ATP2B2: variants seen among roughly 807,000 people sequenced by gnomAD.
ATP2B2 encodes the protein ATPase plasma membrane Ca2+ transporting 2.
In ATP2B2, 15 loss-of-function variants were observed where a neutral mutation model predicts 120.0. The observed-to-expected ratio is 0.12, with a 90% confidence interval of 0.08 to 0.19. ATP2B2 has a LOEUF of 0.19. Among genes scored for constraint, ATP2B2 ranks in the 10% least tolerant of loss-of-function variants. The pLI is 1.00. For synonymous variants in ATP2B2, 694 were observed against 700.3 expected (o/e 0.99, Z 0.14); for missense variants, 1,045 against 1,719.8 (o/e 0.61, Z 6.94).
rs1345513933 is a variant in ATP2B2, at chr3:10,358,938, G to T, written c.1902-13C>A. 1.2e-6 allele frequency: 2 copies of T among 1,612,402 alleles called. No homozygotes were observed. The highest frequency in any genetic ancestry group is 8.5e-7 in the Non-Finnish European group (1 of 1,179,710). The stretch of plus-strand genomic sequence containing the variant: ...GATTTTGCAGCACCTAGGGGAGGAT[G>T]GAAGGGAGATGGGGAGCCCAGGGAA... On this transcript the variant is annotated splice_polypyrimidine_tract_variant and intron_variant, in intron 13 of 22. Transcript: ENST00000360273.
intron 9 of ATP2B2, 95 bp downstream of exon 9, chr3:10,379,148 C>T: frequency 7.0e-7 from 1 of 1,432,808 alleles, no homozygotes; most frequent in Non-Finnish European, 9.7e-7. Flanking sequence ...GTGTCTGCCT[C>T]TGGCCCTTGC....
intron 1 of ATP2B2, among the ~76,000 whole-genome samples, chr3:10,628,009 G>A (rs1294845380): frequency 1.3e-5 from 2 of 152,286 alleles, no homozygotes; most frequent in African/African-American, 4.8e-5. Context: ...GCAGGTACAG[G>A]TGTTGGGGGC....
intron 2 of ATP2B2, among the ~76,000 whole-genome samples, chr3:10,604,156 T>C (rs1317951271): frequency 1.3e-5 from 2 of 152,128 alleles, no homozygotes; most frequent in Non-Finnish European, 2.9e-5. Flanking sequence ...CTCACCTCCC[T>C]CACACTCTCC....
chr3:10,599,793 G>C, intron 2 of ATP2B2, among the ~76,000 whole-genome samples: 1 of 119,510 alleles, frequency 8.4e-6, no homozygotes, highest in Non-Finnish European at 1.6e-5. Context: ...TGGAGCTCGT[G>C]TTCTATAAGG....
intron 1 of ATP2B2, among the ~76,000 whole-genome samples, chr3:10,654,626 C>T (rs7636785): frequency 0.22 from 33,563 of 151,978 alleles, 6,211 homozygotes; most frequent in African/African-American, 0.5. Context: ...CCGCCTCCCT[C>T]CAGCATAGAT....
upstream of ATP2B2, among the ~76,000 whole-genome samples, chr3:10,507,441 TC>T (rs558486036): frequency 8.5e-5 from 13 of 152,094 alleles, no homozygotes; most frequent in Middle Eastern, 3.4e-3. Flanking sequence ...CATCTGCCCT[TC>T]CCCAAGGCCC....
At chr3:10,606,936 GAGGGAGAGGGAGAGGGGGA>G (rs2069095562) in intron 2 of ATP2B2, among the ~76,000 whole-genome samples, 1 of 75,324 alleles carries the variant, frequency 1.3e-5, no homozygotes, top group Non-Finnish European at 2.3e-5. Flanking sequence ...GAGAGAGAGA[GAGGGAGAGGGAGAGGGGGA>G]GGGGGGGAGA....
chr3:10,539,930 C>A (rs554496710), intron 2 of ATP2B2, among the ~76,000 whole-genome samples: 1 of 152,140 alleles, frequency 6.6e-6, no homozygotes, highest in African/African-American at 2.4e-5. Context: ...AGTGAACAGG[C>A]AACCTACAGA....
At chr3:10,591,423 C>T (rs1192843868) in intron 2 of ATP2B2, among the ~76,000 whole-genome samples, 1 of 152,156 alleles carries the variant, frequency 6.6e-6, no homozygotes, top group Non-Finnish European at 1.5e-5. Context: ...CCCCCATGGC[C>T]TCTGAGGCCA....
intron 1 of ATP2B2, among the ~76,000 whole-genome samples, chr3:10,460,285 G>A (rs1209919844): frequency 6.6e-6 from 1 of 152,216 alleles, no homozygotes; most frequent in African/African-American, 2.4e-5. Context: ...TACCCCTGGG[G>A]AGGACAAAGC....
chr3:10,675,533 G>A (rs2071219486), intron 1 of ATP2B2, among the ~76,000 whole-genome samples: 1 of 152,140 alleles, frequency 6.6e-6, no homozygotes, highest in Non-Finnish European at 1.5e-5. Flanking sequence ...TGCAGTCCTG[G>A]CGCCCCCATC....
intron 1 of ATP2B2, among the ~76,000 whole-genome samples, chr3:10,458,864 TCC>T (rs2064370031): frequency 2.6e-5 from 4 of 152,372 alleles, no homozygotes; most frequent in African/African-American, 9.6e-5. Context: ...CCTCTGCCTT[TCC>T]TTTGCATCCC....
chr3:10,353,010 C>T (rs1263955794), intron 14 of ATP2B2, among the ~76,000 whole-genome samples: 3 of 152,226 alleles, frequency 2.0e-5, no homozygotes, highest in East Asian at 1.9e-4. Context: ...GCTGGTCAGC[C>T]TCTGCTTGCA....
intron 1 of ATP2B2, among the ~76,000 whole-genome samples, chr3:10,492,681 G>A (rs573065279): frequency 1.3e-4 from 20 of 152,208 alleles, no homozygotes; most frequent in African/African-American, 4.1e-4. Context: ...CTCTCACCCC[G>A]CTTCCTTCTC....
At chr3:10,464,558 T>G (rs889808762) in intron 1 of ATP2B2, among the ~76,000 whole-genome samples, 2 of 152,172 alleles carry the variant, frequency 1.3e-5, no homozygotes, top group Non-Finnish European at 2.9e-5. Context: ...TCTCTGCCTG[T>G]TACCACCTTA....
At chr3:10,572,717 G>A (rs962926578) in intron 2 of ATP2B2, among the ~76,000 whole-genome samples, 5 of 152,250 alleles carry the variant, frequency 3.3e-5, no homozygotes, top group Non-Finnish European at 7.4e-5. Context: ...AGGGGCAAAC[G>A]CTCATTCATA....
chr3:10,360,121 G>A lies in ATP2B2; in HGVS notation c.1662C>T (p.Pro554=). Residue 554 remains proline, a splice_region_variant and synonymous_variant, in exon 13 of 23, where the codon CCC becomes CCT. Transcript: ENST00000360273. ...INSAYTTKIL[P]PEKEGALPRQ... is the part of the protein sequence containing the mutation. ...GAGGCAGGGCGCCCTCCTTCTCTGGGGGCTGCAGAGAGAGGAAGGAGCGGC... is the reference window on the plus strand; with the variant it reads ...GAGGCAGGGCGCCCTCCTTCTCTGGAGGCTGCAGAGAGAGGAAGGAGCGGC... The A allele has an allele frequency of 6.3e-7, 1 of 1,590,872 alleles. No homozygotes were observed. The highest frequency in any genetic ancestry group is 8.6e-7 in the Non-Finnish European group (1 of 1,165,542).
intron 12 of ATP2B2, among the ~76,000 whole-genome samples, chr3:10,368,297 G>A (rs969069942): frequency 3.9e-5 from 6 of 152,092 alleles, no homozygotes; most frequent in Non-Finnish European, 7.4e-5. Context: ...TGGAGGTAGT[G>A]AGAGAGCACT....
chr3:10,596,083 C>A (rs1036146810), intron 2 of ATP2B2, among the ~76,000 whole-genome samples: 1 of 152,118 alleles, frequency 6.6e-6, no homozygotes, highest in East Asian at 1.9e-4. Flanking sequence ...GCAGAGAGGC[C>A]CTCCCTGACT....
Sources: allele counts gnomAD v4.1 joint callset (sites outside exome capture counted in the v4.1 genomes callset), GRCh38; gene constraint gnomAD v4.1.1; transcripts MANE v1.5; gene names NCBI Gene and HGNC (gene_info 2026-07-23, HGNC 2026-07-21).